The following PCGF1 variants were observed in gnomAD, a reference collection of about 807,000 sequenced individuals.
PCGF1 encodes the protein polycomb group ring finger 1.
A neutral mutation model predicts 38.8 loss-of-function variants in PCGF1; 10 were observed. That is an observed-to-expected ratio of 0.26 (90% CI 0.16 to 0.44). The LOEUF (loss-of-function observed/expected upper bound fraction) is 0.44. Ranked by LOEUF, PCGF1 falls within the 20% of genes least tolerant of loss-of-function variation. The probability of loss-of-function intolerance (pLI) is 1.00; values close to 1 mark genes in which losing one functional copy is unlikely to be tolerated. For missense variants in PCGF1, 230 were observed against 331.5 expected (o/e 0.69, Z 2.38); for synonymous variants, 119 against 121.3 (o/e 0.98, Z 0.12).
Position 74,506,847 on chromosome 2 carries a change from G to C in PCGF1, c.237C>G (p.Ser79Arg). The C allele has an allele frequency of 1.2e-6, 2 of 1,614,222 alleles. No homozygotes were observed. The highest frequency in any genetic ancestry group is 1.7e-6 in the Non-Finnish European group (2 of 1,180,030). The part of the protein sequence containing the change: ...KSCIVKYLQT[S>R]KYCPMCNIKI... The stretch of plus-strand genomic sequence containing the variant: ...TAATGTTGCACATGGGGCAGTACTT[G>C]CTAGTTTGGAGGTACTTCACAATAC... Residue 79 changes from serine to arginine, a missense_variant, in exon 3 of 9, where the codon AGC becomes AGG. Physicochemically the swap from Ser to Arg is moderately radical, Grantham distance 110 (BLOSUM62 -1). Transcript: ENST00000233630.
intron 8 of PCGF1, 60 bp from the exon 9 acceptor site, chr2:74,505,250 C>A: frequency 6.4e-7 from 1 of 1,565,478 alleles, no homozygotes; most frequent in Admixed American, 1.9e-5. Context: ...ATTCAAAGGG[C>A]CCCTCAGCCC....
intron 8 of PCGF1, 70 bp downstream of exon 8, chr2:74,505,269 C>T: frequency 1.3e-6 from 2 of 1,574,050 alleles, no homozygotes; most frequent in South Asian, 2.3e-5. Flanking sequence ...CCACCCTTCC[C>T]CTGAGGACTG....
chr2:74,505,279 G>C (rs1421012439), intron 8 of PCGF1, 60 bp downstream of exon 8: 8 of 1,579,038 alleles, frequency 5.1e-6, no homozygotes, highest in Non-Finnish European at 2.6e-6. Flanking sequence ...CCTGAGGACT[G>C]TAGGATGGTT....
chr2:74,507,356 G>A (rs1286617343), intron 1 of PCGF1: 1 of 1,452,274 alleles, frequency 6.9e-7, no homozygotes. Context: ...ACGTGGACTC[G>A]CCTGACCCTC....
chr2:74,506,030 G>A lies in PCGF1; in HGVS notation c.452C>T (p.Pro151Leu), dbSNP rs780770812. Residue 151 changes from proline (P) to leucine (L), a missense_variant, in exon 5 of 9, where the codon CCC (proline) becomes CTC (leucine). Physicochemically the swap from Pro to Leu is moderately conservative, Grantham distance 98 (BLOSUM62 -3). This residue lies in a region of PCGF1 where 144 missense variants were observed against 182.4 expected (regional missense o/e 0.79). Transcript: ENST00000233630. The part of the protein sequence containing the change: ...EEPALSNLGL[P>L]FSSFDHSKAH... ...TTTAGAGTGGTCAAAGCTGCTGAAGGGGAGGCCGAGGTTGCTCAGTGCTGG... is the reference window on the plus strand; with the variant it reads ...TTTAGAGTGGTCAAAGCTGCTGAAGAGGAGGCCGAGGTTGCTCAGTGCTGG... 9 of 1,614,210 alleles carry A rather than the reference G, an allele frequency of 5.6e-6. No individual in the cohort carries two copies. Among genetic ancestry groups the A allele is most frequent in the Admixed American group, 1.7e-5 (1 of 60,024 alleles).
In PCGF1 at chr2:74,506,376, G is replaced by A. The variant is rs375083490; in HGVS notation, c.353-124C>T. 87 of 866,462 alleles carry A rather than the reference G, an allele frequency of 1.0e-4. No individual in the cohort carries two copies. In the East Asian group the frequency reaches 1.6e-3, roughly 16 times the overall value. The allele number at this position is 866,462 out of a possible 1,614,324, so 53.7% of individuals were successfully genotyped here. On this transcript the variant is annotated intron_variant, in intron 3 of 8. Transcript: ENST00000233630. ...GCAGATCATGAAGTCAGGAGATTGA[G>A]GCCATCCTGGCTAACATGGTGAAAC...
chr2:74,506,439 A>T, intron 3 of PCGF1, 187 bp from the exon 4 acceptor site: 1 of 631,278 alleles, frequency 1.6e-6, no homozygotes, highest in Non-Finnish European at 2.7e-6. Context: ...TTAGCTGGGC[A>T]TGGTGGTGGG....
At chr2:74,506,298 C>A in intron 3 of PCGF1, 46 bp from the exon 4 acceptor site, 1 of 1,588,986 alleles carries the variant, frequency 6.3e-7, no homozygotes, top group Non-Finnish European at 8.6e-7. Context: ...CCCTTCGGGG[C>A]CGGGCGCGGT....
rs1222849453 is a variant in PCGF1 at position 74,505,105 on chromosome 2, G to A, written c.*38C>T. On this transcript the variant is annotated 3_prime_UTR_variant, in exon 9 of 9. Coordinates refer to ENST00000233630, the MANE Select transcript of PCGF1 (RefSeq NM_032673.3). ...CAGTTCATTTCACATAAATATCTGG[G>A]GAGGGAAGGGGAGTGGGATGGGGTG... The A allele has an allele frequency of 6.9e-7, 1 of 1,457,658 alleles. No homozygotes were observed. 90.3% of individuals were successfully genotyped at this position (1,457,658 alleles called of 1,614,324 possible).
chr2:74,507,681 T>G lies in PCGF1; in HGVS notation c.-13A>C, dbSNP rs968399662. ...GAGGAGACGCCATCTTAAAGGCTGA[T>G]CCCAGCCGGCCACTTCCGGTGCCGC... On this transcript the variant is annotated 5_prime_UTR_variant, in exon 1 of 9. Coordinates refer to ENST00000233630, the MANE Select transcript of PCGF1 (RefSeq NM_032673.3). 3.9e-6 allele frequency: 6 copies of G among 1,552,310 alleles called. No individual in the cohort carries two copies. In the African/African-American group the frequency reaches 6.8e-5, roughly 18 times the overall value.
intron 7 of PCGF1, 31 bp downstream of exon 7, chr2:74,505,521 C>T: frequency 6.2e-7 from 1 of 1,613,482 alleles, no homozygotes; most frequent in Non-Finnish European, 8.5e-7. Flanking sequence ...CCCCTTCTCC[C>T]CCTCAAGAAA....
At position 74,507,164 on chromosome 2, in the gene PCGF1, C is replaced by T; in HGVS notation, c.94-17G>A. 1 of 1,609,638 alleles carries T rather than the reference C, an allele frequency of 6.2e-7. No homozygotes were observed. The highest frequency in any genetic ancestry group is 1.3e-5 in the African/African-American group (1 of 74,980). ...AACCTCCTCCTGAAGATACACCCTC[C>T]GTCACCAATCATCCACCCTCAAACC... On this transcript the variant is annotated splice_polypyrimidine_tract_variant and intron_variant, in intron 1 of 8. Transcript: ENST00000233630.
intron 3 of PCGF1, 54 bp from the exon 4 acceptor site, chr2:74,506,306 G>A (rs1010311174): frequency 2.3e-5 from 36 of 1,542,902 alleles, no homozygotes; most frequent in Non-Finnish European, 2.8e-5. Flanking sequence ...GGCCGGGCGC[G>A]GTGGCTCACG....
chr2:74,507,673 A>G lies in PCGF1; in HGVS notation c.-5T>C. 1.3e-6 allele frequency: 2 copies of G among 1,555,254 alleles called. No homozygotes were observed. Among genetic ancestry groups the G allele is most frequent in the Non-Finnish European group, 8.7e-7 (1 of 1,149,922 alleles). Reference sequence around the variant, plus strand: ...GCCCCCCTGAGGAGACGCCATCTTAAAGGCTGATCCCAGCCGGCCACTTCC... The same window carrying G: ...GCCCCCCTGAGGAGACGCCATCTTAGAGGCTGATCCCAGCCGGCCACTTCC... On this transcript the variant is annotated 5_prime_UTR_variant, in exon 1 of 9. Coordinates refer to ENST00000233630, the MANE Select transcript of PCGF1 (RefSeq NM_032673.3).
intron 5 of PCGF1, 80 bp downstream of exon 5, chr2:74,505,869 ACTG>A (rs1674618843): frequency 6.2e-7 from 1 of 1,601,138 alleles, no homozygotes; most frequent in African/African-American, 1.3e-5. Flanking sequence ...GCACTCACTC[ACTG>A]CTCAGCCTCT....
rs1162913788 is a variant in PCGF1 at position 74,507,594 on chromosome 2, C to T, written c.75G>A (p.Met25Ile). Reference sequence around the variant, plus strand: ...CTTGCACCTCGTTCCGTAGCGGGTCCATCTTGTACACTGACTGGAGCTGGT... The same window carrying T: ...CTTGCACCTCGTTCCGTAGCGGGTCTATCTTGTACACTGACTGGAGCTGGT... ...LRNQLQSVYK[M>I]DPLRNEEEVR... is the part of the protein sequence containing the mutation. Residue 25 changes from methionine to isoleucine, a missense_variant, in exon 1 of 9, where the codon ATG becomes ATA. Met to Ile is a conservative substitution (Grantham distance 10). This residue lies in a region of PCGF1 where 46 missense variants were observed against 35.9 expected (regional missense o/e 1.28). Transcript: ENST00000233630. The T allele has an allele frequency of 4.4e-6, 7 of 1,589,256 alleles. No homozygotes were observed. Among genetic ancestry groups the T allele is most frequent in the Non-Finnish European group, 6.0e-6 (7 of 1,168,292 alleles).
chr2:74,507,388 A>C, intron 1 of PCGF1, 188 bp downstream of exon 1: 2 of 1,453,886 alleles, frequency 1.4e-6, no homozygotes, highest in Non-Finnish European at 1.8e-6. Context: ...GAGACTACAC[A>C]ACGTCGGCGA....
rs369013269 is a variant in PCGF1 at position 74,505,602 on chromosome 2, G to A, written c.601C>T (p.Arg201Cys). 158 of 1,613,986 alleles carry A rather than the reference G, an allele frequency of 9.8e-5. No homozygotes were observed. Among genetic ancestry groups the A allele is most frequent in the African/African-American group, 2.0e-4 (15 of 74,880 alleles). The change falls in exon 7 of 9, where the codon CGC becomes TGC. Residue 201 changes from arginine (R) to cysteine (C), a missense_variant. By Grantham distance (180) the Arg-to-Cys change is radical. Around this residue, in one of 3 missense-constraint regions of PCGF1, gnomAD observed 144 missense variants for 182.4 expected, o/e 0.79. Transcript: ENST00000233630. ...TGACACAGGACCCTCCGGAGATGGC[G>A]TACCTCAGCTCTAACAGAACATCGG... ...YVRCSVRAEVRHLRRVLCHRL... is the reference protein window; with the variant it reads ...YVRCSVRAEVCHLRRVLCHRL...
In PCGF1 at chr2:74,507,260, G is replaced by A. The variant is rs1057491311; in HGVS notation, c.94-113C>T. On this transcript the variant is annotated intron_variant, in intron 1 of 8. Transcript: ENST00000233630. Reference sequence around the variant, plus strand: ...ACTAGACGGCCAAGCCCCGCGCCCTGCGCCATCAGCCGGGGATTAGCTCCT... The same window carrying A: ...ACTAGACGGCCAAGCCCCGCGCCCTACGCCATCAGCCGGGGATTAGCTCCT... The A allele has an allele frequency of 1.4e-5, 21 of 1,484,160 alleles. No homozygotes were observed. In the African/African-American group the frequency reaches 2.9e-4, roughly 21 times the overall value. 91.9% of individuals were successfully genotyped at this position (1,484,160 alleles called of 1,614,324 possible). A position where few individuals can be genotyped will look rare whatever the true frequency, so the allele number is the denominator to read the frequency against.
Sources: allele counts gnomAD v4.1 joint callset, GRCh38; gene constraint gnomAD v4.1.1; regional missense constraint gnomAD v4.1.1; transcripts MANE v1.5; gene names NCBI Gene and HGNC (gene_info 2026-07-23, HGNC 2026-07-21).